Variants in FLT1 observed in about 807,000 individuals in gnomAD.
FLT1 encodes vascular endothelial growth factor receptor 1.
A neutral mutation model predicts 156.3 loss-of-function variants in FLT1; 49 were observed. The ratio of observed to expected loss-of-function variants is 0.31; its 90% CI spans 0.25 to 0.40. The LOEUF (loss-of-function observed/expected upper bound fraction) is 0.40. FLT1 is among the 10% of genes least tolerant of loss of function. The probability of loss-of-function intolerance (pLI) is 1.00; values close to 1 mark genes in which losing one functional copy is unlikely to be tolerated. For synonymous variants in FLT1, 594 were observed against 583.8 expected (o/e 1.02, Z -0.25); for missense variants, 1,322 against 1,637.2 (o/e 0.81, Z 3.32).
At chr13:28,319,295 C>G in intron 24 of FLT1, 128 bp downstream of exon 24, 1 of 698,272 alleles carries the variant, frequency 1.4e-6, no homozygotes. Context: ...TACATGGGCC[C>G]ATTACACTTT....
rs536464055 is a variant in FLT1, at chr13:28,427,187, G to A, written c.1408C>T (p.Pro470Ser). Residue 470 changes from proline to serine, a missense_variant, in exon 10 of 30, where the codon CCC (proline) becomes TCC (serine). Physicochemically the swap from Pro to Ser is moderately conservative, Grantham distance 74 (BLOSUM62 -1). Coordinates refer to ENST00000282397, the MANE Select transcript of FLT1 (RefSeq NM_002019.4). ...GCTTCGGAATGATTATGGTTACAGG[G>A]GTGCCAGAACCACTTGATTGTAGGT... Reference protein sequence around the residue: ...PQPTIKWFWHPCNHNHSEARC... With the variant: ...PQPTIKWFWHSCNHNHSEARC... The A allele has an allele frequency of 6.2e-7, 1 of 1,613,932 alleles. No individual in the cohort carries two copies.
At chr13:28,446,908 A>G (rs928699370) in intron 3 of FLT1, among the ~76,000 whole-genome samples, 18 of 152,172 alleles carry the variant, frequency 1.2e-4, no homozygotes, top group Admixed American at 1.1e-3. Context: ...GATGAAAACT[A>G]CAATGATCAA....
At chr13:28,469,021 C>T (rs769234828) in intron 1 of FLT1, among the ~76,000 whole-genome samples, 5 of 152,166 alleles carry the variant, frequency 3.3e-5, no homozygotes, top group Non-Finnish European at 5.9e-5. Context: ...TTCCTCCCCT[C>T]ATCCCTCAGT....
intron 18 of FLT1, among the ~76,000 whole-genome samples, 188 bp downstream of exon 18, chr13:28,333,837 T>C (rs529787030): frequency 6.6e-6 from 1 of 152,256 alleles, no homozygotes; most frequent in East Asian, 1.9e-4. Context: ...ATTTACAAGG[T>C]TTCTTCTGAG....
At chr13:28,442,398 C>T (rs980289935) in intron 3 of FLT1, among the ~76,000 whole-genome samples, 4 of 152,150 alleles carry the variant, frequency 2.6e-5, no homozygotes, top group African/African-American at 9.7e-5. Context: ...TCAGTGTAGT[C>T]ATTTCTAGAC....
At position 28,494,837 on chromosome 13, in the gene FLT1, T is replaced by C. The variant is rs1047423171; in HGVS notation, c.7A>G (p.Ser3Gly). MV[S>G]YWDTGVLLCA... is the part of the protein sequence containing the mutation. ...AGCAGGACCCCGGTGTCCCAGTAGCTGACCATGGTGAGCGCGACGCGGCCT... is the reference window on the plus strand; with the variant it reads ...AGCAGGACCCCGGTGTCCCAGTAGCCGACCATGGTGAGCGCGACGCGGCCT... The change falls in exon 1 of 30, where the codon AGC becomes GGC. Residue 3 changes from serine (S) to glycine (G), a missense_variant. Ser to Gly is a moderately conservative substitution (Grantham distance 56). Around this residue, in one of 3 missense-constraint regions of FLT1, gnomAD observed 991 missense variants for 1,254.8 expected, o/e 0.79. Transcript: ENST00000282397. The C allele has an allele frequency of 5.8e-6, 9 of 1,562,412 alleles. No individual in the cohort carries two copies. The highest frequency in any genetic ancestry group is 6.9e-6 in the Non-Finnish European group (8 of 1,160,316).
intron 14 of FLT1, among the ~76,000 whole-genome samples, chr13:28,383,438 C>T (rs922061257): frequency 2.6e-5 from 4 of 151,832 alleles, no homozygotes; most frequent in Admixed American, 6.6e-5. Context: ...CTGAGGCAGG[C>T]GGATCACAAG....
chr13:28,399,103 T>C (rs1448178541), intron 11 of FLT1: 2 of 1,550,574 alleles, frequency 1.3e-6, no homozygotes, highest in Non-Finnish European at 1.7e-6. Flanking sequence ...ATGAAAGAAC[T>C]GTTAGCTGGT....
At chr13:28,453,137 CTTTCT>C (rs1284609408) in intron 3 of FLT1, among the ~76,000 whole-genome samples, 1 of 126,194 alleles carries the variant, frequency 7.9e-6, no homozygotes, top group African/African-American at 3.0e-5. Context: ...CTTTCCTTTC[CTTTCT>C]GACAGAGTTT....
chr13:28,468,940 A>G (rs1041606111), intron 1 of FLT1, among the ~76,000 whole-genome samples: 13 of 152,336 alleles, frequency 8.5e-5, no homozygotes, highest in Admixed American at 7.2e-4. Flanking sequence ...TAGGTGCTAC[A>G]GAGGCTGAGC....
rs1273183812 is a variant in FLT1 at position 28,494,879 on chromosome 13, C to A, written c.-36G>T. ...ACGCGGCCTGCTCGCCCGGTGCCCG[C>A]GCTCCCCGCGGCCAACGACCCGGCC... On this transcript the variant is annotated 5_prime_UTR_variant, in exon 1 of 30. Coordinates refer to ENST00000282397, the MANE Select transcript of FLT1 (RefSeq NM_002019.4). The A allele has an allele frequency of 2.7e-6, 4 of 1,501,936 alleles. No individual in the cohort carries two copies. Among genetic ancestry groups the A allele is most frequent in the African/African-American group, 2.9e-5 (2 of 69,100 alleles). The allele number at this position is 1,501,936 out of a possible 1,614,324, so 93.0% of individuals were successfully genotyped here.
chr13:28,431,435 C>CA, intron 6 of FLT1, 125 bp from the exon 7 acceptor site: 1 of 722,484 alleles, frequency 1.4e-6, no homozygotes, highest in South Asian at 1.6e-5. Context: ...AGAATCATGT[C>CA]AAATCCACCT....
chr13:28,321,357 T>C (rs112357992), intron 23 of FLT1, 106 bp downstream of exon 23: 1 of 1,361,790 alleles, frequency 7.3e-7, no homozygotes. Flanking sequence ...AGAAAGCCAA[T>C]GATGGTTTTC....
At chr13:28,352,177 C>T (rs1593701979) in intron 15 of FLT1, among the ~76,000 whole-genome samples, 1 of 152,314 alleles carries the variant, frequency 6.6e-6, no homozygotes, top group Admixed American at 6.5e-5. Context: ...AACATGGCTA[C>T]AATTCTCAGC....
chr13:28,334,973 T>C (rs1872062322), intron 17 of FLT1, among the ~76,000 whole-genome samples: 1 of 152,072 alleles, frequency 6.6e-6, no homozygotes, highest in Non-Finnish European at 1.5e-5. Flanking sequence ...TGCTGCAGAA[T>C]GGAGAGTGGT....
At chr13:28,389,252 A>G in intron 13 of FLT1, 1 of 1,140,846 alleles carries the variant, frequency 8.8e-7, no homozygotes, top group Non-Finnish European at 1.1e-6. Context: ...AACCAGGCAG[A>G]AGTCCGACAG....
intron 17 of FLT1, 78 bp downstream of exon 17, chr13:28,339,090 G>T: frequency 7.1e-7 from 1 of 1,404,130 alleles, no homozygotes; most frequent in Non-Finnish European, 1.0e-6. Context: ...GTTTACTTTC[G>T]CATCTCTCAA....
At chr13:28,356,698 G>A (rs978954658) in intron 15 of FLT1, among the ~76,000 whole-genome samples, 7 of 152,128 alleles carry the variant, frequency 4.6e-5, no homozygotes, top group Admixed American at 6.6e-5. Flanking sequence ...GTTCCTCCCC[G>A]CAAAATACTT....
intron 10 of FLT1, among the ~76,000 whole-genome samples, chr13:28,414,716 A>G (rs1292291536): frequency 6.6e-6 from 1 of 152,176 alleles, no homozygotes; most frequent in Non-Finnish European, 1.5e-5. Flanking sequence ...TGGGTGAGCA[A>G]CACTTGTCTT....
Sources: gnomAD v4.1 joint callset for allele counts (sites outside exome capture counted in the v4.1 genomes callset) on GRCh38, gnomAD v4.1.1 for gene constraint, gnomAD v4.1.1 regional missense constraint, MANE v1.5 for transcripts, NCBI Gene and HGNC (gene_info 2026-07-23, HGNC 2026-07-21) for gene names.